MAPKAP1: variants seen among roughly 807,000 people sequenced by gnomAD.
MAPKAP1 encodes the protein target of rapamycin complex 2 subunit MAPKAP1.
In MAPKAP1, 20 loss-of-function variants were observed where a neutral mutation model predicts 65.7. That is an observed-to-expected ratio of 0.30 (90% CI 0.21 to 0.44). The LOEUF is 0.44. Among genes scored for constraint, MAPKAP1 ranks in the 20% least tolerant of loss-of-function variants. MAPKAP1 has a pLI of 1.00. For missense variants in MAPKAP1, 423 were observed against 648.0 expected, an observed-to-expected ratio of 0.65 and a Z score of 3.77; for synonymous variants, 222 against 244.3, an observed-to-expected ratio of 0.91 and a Z score of 0.85.
intron 1 of MAPKAP1, among the ~76,000 whole-genome samples, chr9:125,689,266 C>T (rs1046030117): frequency 2.0e-5 from 3 of 151,008 alleles, no homozygotes; most frequent in Non-Finnish European, 2.9e-5. Context: ...TGAAACCCCA[C>T]CTCTACTAAA....
chr9:125,588,308 G>A (rs924100122), intron 4 of MAPKAP1, among the ~76,000 whole-genome samples: 1 of 152,126 alleles, frequency 6.6e-6, no homozygotes. Flanking sequence ...GACATGAAAG[G>A]CCACTACTGT....
At chr9:125,574,473 A>G (rs942792385) in intron 5 of MAPKAP1, among the ~76,000 whole-genome samples, 2 of 152,224 alleles carry the variant, frequency 1.3e-5, no homozygotes, top group Non-Finnish European at 2.9e-5. Flanking sequence ...TGATGACTCT[A>G]AGAAATATAA....
At chr9:125,549,036 G>A (rs780548011) in intron 6 of MAPKAP1, among the ~76,000 whole-genome samples, 6 of 152,168 alleles carry the variant, frequency 3.9e-5, no homozygotes, top group Non-Finnish European at 7.3e-5. Flanking sequence ...TTAGGGACTC[G>A]GGGAAAGAAG....
intron 6 of MAPKAP1, among the ~76,000 whole-genome samples, chr9:125,545,118 C>T (rs1395388419): frequency 6.6e-6 from 1 of 152,238 alleles, no homozygotes; most frequent in Admixed American, 6.5e-5. Flanking sequence ...TTTTACTGAA[C>T]ACTCTGTTAC....
chr9:125,478,242 G>A (rs1854182283), intron 9 of MAPKAP1: 1 of 152,186 alleles, frequency 6.6e-6, no homozygotes, highest in Non-Finnish European at 1.5e-5. Context: ...GATACTAGGG[G>A]CGGGAGAAGA....
At chr9:125,450,541 G>A (rs1188745820) in intron 10 of MAPKAP1, among the ~76,000 whole-genome samples, 1 of 152,078 alleles carries the variant, frequency 6.6e-6, no homozygotes, top group African/African-American at 2.4e-5. Flanking sequence ...ACCAGTAGAC[G>A]TGAGCTATGG....
chr9:125,577,213 G>A (rs914610273), intron 5 of MAPKAP1, among the ~76,000 whole-genome samples: 9 of 151,028 alleles, frequency 6.0e-5, no homozygotes, highest in African/African-American at 9.8e-5. Context: ...CGGCTGCCCC[G>A]TCTGAGAAAT....
In MAPKAP1 at chr9:125,693,429, AT is replaced by A. The variant is rs1219605492; in HGVS notation, c.-70+13541del. Reference sequence around the variant, plus strand: ...AATTCCGCCTCAAAAAAAAAAAAATATATATATATATATACACACACACACA... The same window carrying A: ...AATTCCGCCTCAAAAAAAAAAAAATAATATATATATATACACACACACACA... On this transcript the variant is annotated intron_variant, in intron 1 of 11. Coordinates refer to ENST00000265960, the MANE Select transcript of MAPKAP1 (RefSeq NM_001006617.3). 2.2e-3 allele frequency among the ~76,000 whole-genome samples: 241 copies of A among 111,196 alleles called. 1 individual carries two copies. Among genetic ancestry groups the A allele is most frequent in the African/African-American group, 0.015 (192 of 13,100 alleles). The allele number at this position is 111,196 out of a possible 152,430, so 72.9% of individuals were successfully genotyped here.
intron 8 of MAPKAP1, among the ~76,000 whole-genome samples, chr9:125,487,820 A>C (rs1471286470): frequency 6.6e-6 from 1 of 152,240 alleles, no homozygotes; most frequent in Non-Finnish European, 1.5e-5. Flanking sequence ...AAATTGATTT[A>C]GCTTCTTACA....
At chr9:125,567,569 C>A (rs886511420) in intron 5 of MAPKAP1, 3 of 152,238 alleles carry the variant, frequency 2.0e-5, no homozygotes, top group Admixed American at 2.0e-4. Flanking sequence ...AGGCAACCAG[C>A]AGCTCCCGGG....
At chr9:125,559,479 G>T in intron 6 of MAPKAP1, 154 bp downstream of exon 6, 1 of 640,690 alleles carries the variant, frequency 1.6e-6, no homozygotes, top group Non-Finnish European at 2.7e-6. Flanking sequence ...CAATGCGAAT[G>T]TCGTCCTCAG....
chr9:125,653,164 G>A (rs957552796), intron 4 of MAPKAP1, among the ~76,000 whole-genome samples: 2 of 152,234 alleles, frequency 1.3e-5, no homozygotes, highest in African/African-American at 2.4e-5. Context: ...ACTGGAACTT[G>A]TAGAGAAGAA....
chr9:125,631,734 C>G (rs913455010), intron 4 of MAPKAP1, among the ~76,000 whole-genome samples: 1 of 152,158 alleles, frequency 6.6e-6, no homozygotes, highest in Non-Finnish European at 1.5e-5. Flanking sequence ...TCCAGTCATA[C>G]CCTACTACTT....
intron 9 of MAPKAP1, among the ~76,000 whole-genome samples, chr9:125,475,939 G>A (rs1589222423): frequency 6.6e-6 from 1 of 152,212 alleles, no homozygotes; most frequent in Non-Finnish European, 1.5e-5. Context: ...CAGAACTCTG[G>A]ATGAACGCTC....
intron 4 of MAPKAP1, among the ~76,000 whole-genome samples, chr9:125,611,701 G>A (rs1239984562): frequency 3.9e-5 from 6 of 152,096 alleles, no homozygotes; most frequent in Non-Finnish European, 2.9e-5. Context: ...TTGAAAGGGA[G>A]GAAAACTTCA....
intron 3 of MAPKAP1, among the ~76,000 whole-genome samples, chr9:125,668,285 C>T (rs985038164): frequency 4.6e-5 from 7 of 152,204 alleles, no homozygotes; most frequent in African/African-American, 1.7e-4. Flanking sequence ...GCAAGTTCAT[C>T]AAATCCCTGA....
Position 125,437,703 on chromosome 9 carries a change from TACA to T in MAPKAP1, c.*1181_*1183del, listed in dbSNP as rs968473808. 1 of 152,458 alleles carries T rather than the reference TACA, an allele frequency of 6.6e-6. No individual in the cohort carries two copies. Among genetic ancestry groups the T allele is most frequent in the African/African-American group, 2.4e-5 (1 of 41,454 alleles). 9.4% of individuals were successfully genotyped at this position (152,458 alleles called of 1,614,324 possible). A position where few individuals can be genotyped will look rare whatever the true frequency, so the allele number is the denominator to read the frequency against. On this transcript the variant is annotated 3_prime_UTR_variant, in exon 12 of 12. Transcript: ENST00000265960. ...GCTGTTTTAGACACATCTCTTCCTG[TACA>T]ACAATTTAAAAAATGTTTCTAATGC...
rs1022596554 is a variant in MAPKAP1 at position 125,460,534 on chromosome 9, T to C, written c.1345+7438A>G. Among the ~76,000 whole-genome samples the C allele has an allele frequency of 6.6e-5, 10 of 152,326 alleles. No homozygotes were observed. The South Asian group carries it at 1.4e-3, about 22-fold the overall frequency. Reference sequence around the variant, plus strand: ...ACATAACGTCCCCTATGAGCAACTCTAGTGCCTGATGACGAATATGGGAGG... The same window carrying C: ...ACATAACGTCCCCTATGAGCAACTCCAGTGCCTGATGACGAATATGGGAGG... On this transcript the variant is annotated intron_variant, in intron 10 of 11. Transcript: ENST00000265960.
intron 5 of MAPKAP1, among the ~76,000 whole-genome samples, chr9:125,579,265 G>A: frequency 6.6e-6 from 1 of 152,230 alleles, no homozygotes; most frequent in East Asian, 1.9e-4. Context: ...ACCATAGACA[G>A]TTTACAAGGC....
Sources: gnomAD v4.1 joint callset for allele counts (sites outside exome capture counted in the v4.1 genomes callset) on GRCh38, gnomAD v4.1.1 for gene constraint, MANE v1.5 for transcripts, NCBI Gene and HGNC (gene_info 2026-07-23, HGNC 2026-07-21) for gene names.